The following FBXO25 variants were observed in gnomAD, a reference collection of about 807,000 sequenced individuals.
FBXO25 encodes F-box only protein 25.
Under a neutral mutation model 51.9 loss-of-function variants are expected in FBXO25, and 45 were observed. The ratio of observed to expected loss-of-function variants is 0.87; its 90% CI spans 0.68 to 1.11. The LOEUF is 1.11. FBXO25 is among the 50% of genes most tolerant of loss of function. The probability of loss-of-function intolerance (pLI) is 0.00; values close to 1 mark genes in which losing one functional copy is unlikely to be tolerated. For synonymous variants in FBXO25, 199 were observed against 151.0 expected (o/e 1.32, Z -2.33); for missense variants, 507 against 428.5 (o/e 1.18, Z -1.62).
chr8:437,393 C>T (rs1193738712), intron 5 of FBXO25, among the ~76,000 whole-genome samples: 1 of 152,198 alleles, frequency 6.6e-6, no homozygotes, highest in African/African-American at 2.4e-5. Flanking sequence ...GCTGTCCCAG[C>T]ACCCTCACAG....
rs916454404 is a variant in FBXO25 at position 477,464 on chromosome 8, T to A, written c.*8660T>A. On this transcript the variant is annotated 3_prime_UTR_variant, in exon 10 of 10. Transcript: ENST00000350302. ...TGTTTGGTGCATATATATTACATCTTGGTGAATTTTCAAACTTTTTAAATT... is the reference window on the plus strand; with the variant it reads ...TGTTTGGTGCATATATATTACATCTAGGTGAATTTTCAAACTTTTTAAATT... 1 of 152,252 alleles carries A rather than the reference T, an allele frequency of 6.6e-6. No homozygotes were observed. Among genetic ancestry groups the A allele is most frequent in the African/African-American group, 2.4e-5 (1 of 41,470 alleles). The allele number at this position is 152,252 out of a possible 1,614,324, so 9.4% of individuals were successfully genotyped here. A position where few individuals can be genotyped will look rare whatever the true frequency, so the allele number is the denominator to read the frequency against.
rs896167235 is a variant in FBXO25 at position 470,328 on chromosome 8, A to T, written c.*1524A>T. 1 of 152,116 alleles carries T rather than the reference A, an allele frequency of 6.6e-6. No individual in the cohort carries two copies. The highest frequency in any genetic ancestry group is 1.5e-5 in the Non-Finnish European group (1 of 68,046). The allele number at this position is 152,116 out of a possible 1,614,324, so 9.4% of individuals were successfully genotyped here. On this transcript the variant is annotated 3_prime_UTR_variant, in exon 10 of 10. Transcript: ENST00000350302. The stretch of plus-strand genomic sequence containing the variant: ...AACATATTTTAAGGCTTTTAAATAT[A>T]TTTCTAGATTGTTCATGAAAAAAAA...
At chr8:411,040 A>G (rs1423387323) in intron 1 of FBXO25, among the ~76,000 whole-genome samples, 1 of 152,170 alleles carries the variant, frequency 6.6e-6, no homozygotes, top group Non-Finnish European at 1.5e-5. Context: ...TATACTAAAT[A>G]TAGTTGGGAG....
chr8:467,833 C>T (rs1800279056), intron 9 of FBXO25: 7 of 1,599,304 alleles, frequency 4.4e-6, no homozygotes, highest in Admixed American at 1.7e-5. Context: ...TTGGCCACTG[C>T]CCGGCTCGAT....
intron 1 of FBXO25, among the ~76,000 whole-genome samples, chr8:408,618 T>G (rs1057156606): frequency 6.6e-6 from 1 of 152,256 alleles, no homozygotes; most frequent in African/African-American, 2.4e-5. Flanking sequence ...TAAGCTCTAA[T>G]AAATGTTTGC....
intron 3 of FBXO25, among the ~76,000 whole-genome samples, chr8:431,673 A>G (rs1338329024): frequency 6.6e-6 from 1 of 152,228 alleles, no homozygotes; most frequent in Non-Finnish European, 1.5e-5. Context: ...AAAACAGCCC[A>G]TGAATCTGAA....
rs1800568687 is a variant in FBXO25 at position 474,053 on chromosome 8, A to G, written c.*5249A>G. The G allele has an allele frequency of 1.3e-5, 2 of 152,276 alleles. No homozygotes were observed. Among genetic ancestry groups the G allele is most frequent in the Non-Finnish European group, 2.9e-5 (2 of 68,138 alleles). The allele number at this position is 152,276 out of a possible 1,614,324, so 9.4% of individuals were successfully genotyped here. A position where few individuals can be genotyped will look rare whatever the true frequency, so the allele number is the denominator to read the frequency against. ...ACGTATCCACAAGTTCAACTTTACA[A>G]GATGAACTTTTGTCATCTTGTAAAA... is the stretch of plus-strand genomic sequence containing the variant. On this transcript the variant is annotated 3_prime_UTR_variant, in exon 10 of 10. Coordinates refer to ENST00000350302, the MANE Select transcript of FBXO25 (RefSeq NM_183420.2).
intron 5 of FBXO25, among the ~76,000 whole-genome samples, chr8:439,147 C>T (rs199581649): frequency 1.3e-5 from 2 of 152,188 alleles, no homozygotes; most frequent in South Asian, 2.1e-4. Flanking sequence ...GGTCCTGATC[C>T]TATAGGTTAA....
intron 1 of FBXO25, among the ~76,000 whole-genome samples, chr8:408,551 G>GT (rs924963410): frequency 3.9e-5 from 6 of 152,228 alleles, no homozygotes; most frequent in Admixed American, 1.3e-4. Context: ...GGAGGACAGT[G>GT]TGAGGATTAA....
At chr8:462,379 T>G (rs977088077) in intron 8 of FBXO25, among the ~76,000 whole-genome samples, 1 of 152,142 alleles carries the variant, frequency 6.6e-6, no homozygotes, top group Non-Finnish European at 1.5e-5. Flanking sequence ...ATTCTAGATA[T>G]AAGTCTGTTA....
intron 5 of FBXO25, among the ~76,000 whole-genome samples, chr8:449,002 C>G (rs1163823908): frequency 1.3e-5 from 2 of 152,188 alleles, no homozygotes; most frequent in Non-Finnish European, 2.9e-5. Flanking sequence ...GCTACAAAAA[C>G]ATGTCATAAA....
chr8:423,883 T>A (rs577036232), intron 2 of FBXO25, among the ~76,000 whole-genome samples: 5 of 152,222 alleles, frequency 3.3e-5, no homozygotes, highest in African/African-American at 1.2e-4. Context: ...CTTCCCACAA[T>A]GGCTGGACTG....
At chr8:458,903 C>G (rs919268366) in intron 8 of FBXO25, among the ~76,000 whole-genome samples, 2 of 152,194 alleles carry the variant, frequency 1.3e-5, no homozygotes, top group African/African-American at 4.8e-5. Context: ...CCAAGCTGCA[C>G]ATCCTTGAAA....
At chr8:454,630 G>A (rs367986630) in intron 7 of FBXO25, among the ~76,000 whole-genome samples, 71 of 152,294 alleles carry the variant, frequency 4.7e-4, no homozygotes, top group African/African-American at 1.6e-3. Context: ...GATGGCTCAC[G>A]CCAGTAGTCC....
At chr8:432,603 T>G (rs1797879707) in intron 3 of FBXO25, among the ~76,000 whole-genome samples, 2 of 152,200 alleles carry the variant, frequency 1.3e-5, no homozygotes, top group African/African-American at 4.8e-5. Context: ...GTAATGTAAT[T>G]GCATTTTATA....
intron 2 of FBXO25, among the ~76,000 whole-genome samples, chr8:419,238 A>G (rs1455658577): frequency 6.6e-6 from 1 of 152,006 alleles, no homozygotes; most frequent in Non-Finnish European, 1.5e-5. Flanking sequence ...GCGTGGTGAC[A>G]GGTGCCTGTA....
chr8:449,362 A>C (rs11136698), intron 5 of FBXO25, among the ~76,000 whole-genome samples: 1 of 152,214 alleles, frequency 6.6e-6, no homozygotes, highest in Non-Finnish European at 1.5e-5. Context: ...TCATTCCCAC[A>C]GGAGACCTCT....
chr8:421,724 A>T (rs540073164), intron 2 of FBXO25, among the ~76,000 whole-genome samples: 18 of 152,308 alleles, frequency 1.2e-4, no homozygotes, highest in African/African-American at 4.1e-4. Context: ...GACTAGAGCC[A>T]GCCTGAGATG....
At chr8:458,139 C>T (rs1002766546) in intron 7 of FBXO25, among the ~76,000 whole-genome samples, 5 of 152,224 alleles carry the variant, frequency 3.3e-5, no homozygotes, top group Non-Finnish European at 7.3e-5. Context: ...TAGGGCCTCA[C>T]CCAGGAACAG....
Sources: allele counts gnomAD v4.1 joint callset (sites outside exome capture counted in the v4.1 genomes callset), GRCh38; gene constraint gnomAD v4.1.1; transcripts MANE v1.5; gene names NCBI Gene and HGNC (gene_info 2026-07-23, HGNC 2026-07-21).